The following PDIA6 variants were observed in gnomAD, a reference collection of about 807,000 sequenced individuals.
The protein encoded by PDIA6 is protein disulfide-isomerase A6.
PDIA6 carries 29 observed loss-of-function variants against 58.4 expected under a neutral mutation model. That is an observed-to-expected ratio of 0.50 (90% confidence interval 0.37 to 0.68). The LOEUF is 0.68. Ranked by LOEUF, PDIA6 falls within the 30% of genes least tolerant of loss-of-function variation. The pLI is 0.00. For synonymous variants in PDIA6, 192 were observed against 202.6 expected (o/e 0.95, Z 0.44); for missense variants, 480 against 551.0 (o/e 0.87, Z 1.29).
At chr2:10,812,167 T>C (rs1342812383) in intron 1 of PDIA6, among the ~76,000 whole-genome samples, 3 of 152,228 alleles carry the variant, frequency 2.0e-5, no homozygotes, top group Admixed American at 6.5e-5. Context: ...GCTTCGGCCT[T>C]CCAAAGTGCT....
At chr2:10,818,519 T>C (rs1184040562) in intron 2 of PDIA6, among the ~76,000 whole-genome samples, 1 of 131,110 alleles carries the variant, frequency 7.6e-6, no homozygotes, top group Non-Finnish European at 1.7e-5. Context: ...TATTTATTTA[T>C]TTATTTATTT....
chr2:10,819,528 T>G (rs1005577653), intron 1 of PDIA6, among the ~76,000 whole-genome samples: 10 of 152,356 alleles, frequency 6.6e-5, no homozygotes, highest in Admixed American at 2.0e-4. Context: ...AAGCACAGAC[T>G]GTTATAAACT....
At chr2:10,827,691 G>A (rs116311521) in intron 1 of PDIA6, among the ~76,000 whole-genome samples, 7,604 of 151,862 alleles carry the variant, frequency 0.05, 281 homozygotes, top group East Asian at 0.11. Context: ...GGATATGGAG[G>A]CACACACCTG....
Position 10,809,668 on chromosome 2 carries a change from A to AAAC in PDIA6, c.19+3009_19+3010insGTT, listed in dbSNP as rs1553340353. On this transcript the variant is annotated intron_variant, in intron 1 of 12. Transcript: ENST00000272227. The stretch of plus-strand genomic sequence containing the variant: ...CTCAAAAAAAAAAAAAAAAAAAAAA[A>AAAC]AAAACCCAAAAAATAGGATAATCTT... Among the ~76,000 whole-genome samples the AAAC allele has an allele frequency of 7.4e-4, 97 of 130,262 alleles. 4 individuals carry two copies. Among genetic ancestry groups the AAAC allele is most frequent in the Non-Finnish European group, 9.8e-4 (59 of 60,396 alleles). The allele number at this position is 130,262 out of a possible 152,430, so 85.5% of individuals were successfully genotyped here. A position where few individuals can be genotyped will look rare whatever the true frequency, so the allele number is the denominator to read the frequency against.
upstream of PDIA6, among the ~76,000 whole-genome samples, chr2:10,817,750 G>A (rs1317439334): frequency 6.6e-6 from 1 of 152,218 alleles, no homozygotes; most frequent in African/African-American, 2.4e-5. Context: ...CAGTGACAGG[G>A]AAGGAACCCA....
chr2:10,833,005 AAAGGCC>A (rs1237816540), upstream of PDIA6, among the ~76,000 whole-genome samples: 1 of 151,890 alleles, frequency 6.6e-6, no homozygotes, highest in Non-Finnish European at 1.5e-5. Context: ...ACTCTCCTTA[AAAGGCC>A]AAGTGATGGG....
intron 1 of PDIA6, among the ~76,000 whole-genome samples, chr2:10,809,645 CAAAAAAA>C (rs56308831): frequency 0.044 from 2,838 of 64,640 alleles, 93 homozygotes; most frequent in African/African-American, 0.14. Context: ...GACCCGGTCT[CAAAAAAA>C]AAAAAAAAAA....
chr2:10,793,885 T>C (rs1001361789), intron 4 of PDIA6, among the ~76,000 whole-genome samples: 1 of 152,178 alleles, frequency 6.6e-6, no homozygotes, highest in Non-Finnish European at 1.5e-5. Flanking sequence ...GAGGTGTCTT[T>C]AAAGCCAAGT....
At position 10,822,565 on chromosome 2, in the gene PDIA6, TA is replaced by T. The variant is rs550672430; in HGVS notation, c.-47-3212del. ...GCGTGAGCCACCGTGCCTGGCCTCA[TA>T]AATGATTTTTAATGTAGCACTGCAA... On this transcript the variant is annotated intron_variant, in intron 1 of 13. Transcript: ENST00000381611. Among the ~76,000 whole-genome samples the T allele has an allele frequency of 2.0e-4, 31 of 152,322 alleles. No individual in the cohort carries two copies. The South Asian group carries it at 6.2e-3, about 31-fold the overall frequency.
intron 2 of PDIA6, among the ~76,000 whole-genome samples, chr2:10,800,750 G>A (rs984818106): frequency 2.0e-5 from 3 of 151,818 alleles, no homozygotes; most frequent in East Asian, 1.9e-4. Context: ...ACAAGTACAC[G>A]GCACCACGTC....
intron 1 of PDIA6, chr2:10,821,631 AT>A (rs142601240): frequency 0.018 from 2,753 of 149,168 alleles, 95 homozygotes; most frequent in African/African-American, 0.063. Flanking sequence ...ATAATAAATG[AT>A]TTTTTTTTTT....
intron 10 of PDIA6, 106 bp from the exon 11 acceptor site, chr2:10,787,545 A>G (rs563180185): frequency 9.5e-7 from 1 of 1,050,474 alleles, no homozygotes; most frequent in African/African-American, 1.6e-5. Flanking sequence ...TATTTCGTAG[A>G]ATGACAAATA....
intron 1 of PDIA6, among the ~76,000 whole-genome samples, chr2:10,803,553 TAC>T (rs1666603178): frequency 6.6e-6 from 1 of 152,226 alleles, no homozygotes; most frequent in Non-Finnish European, 1.5e-5. Context: ...AAAGACAGGA[TAC>T]AGTGTCGACT....
intron 4 of PDIA6, among the ~76,000 whole-genome samples, chr2:10,794,086 A>G (rs1377279297): frequency 1.6e-5 from 2 of 124,528 alleles, no homozygotes; most frequent in African/African-American, 5.1e-5. Flanking sequence ...AAGTACTGGA[A>G]TAACATATGC....
At position 10,802,596 on chromosome 2, in the gene PDIA6, A is replaced by T. The variant is rs1666562691; in HGVS notation, c.64T>A (p.Ser22Thr). The change falls in exon 2 of 13, where the codon TCC becomes ACC. Residue 22 changes from serine to threonine, a missense_variant. Coordinates refer to ENST00000272227, the MANE Select transcript of PDIA6 (RefSeq NM_005742.4). ...TFFLAVNGLY[S>T]SSDDVIELTP... ...AATTCGATCACATCATCACTAGAGGAATACAGACCATTCACTGCCAGAAAG... is the reference window on the plus strand; with the variant it reads ...AATTCGATCACATCATCACTAGAGGTATACAGACCATTCACTGCCAGAAAG... 2 of 1,492,312 alleles carry T rather than the reference A, an allele frequency of 1.3e-6. No homozygotes were observed. Among genetic ancestry groups the T allele is most frequent in the Admixed American group, 2.4e-5 (1 of 41,300 alleles). 92.4% of individuals were successfully genotyped at this position (1,492,312 alleles called of 1,614,324 possible). A position where few individuals can be genotyped will look rare whatever the true frequency, so the allele number is the denominator to read the frequency against.
chr2:10,794,227 C>A (rs1666164072), intron 4 of PDIA6, among the ~76,000 whole-genome samples: 1 of 150,908 alleles, frequency 6.6e-6, no homozygotes, highest in African/African-American at 2.4e-5. Flanking sequence ...ACGTGGAACA[C>A]CTGAGGTCAG....
At chr2:10,820,659 G>A in intron 1 of PDIA6, 1 of 613,646 alleles carries the variant, frequency 1.6e-6, no homozygotes, top group Non-Finnish European at 3.0e-6. Flanking sequence ...GGGAAGTTCT[G>A]TCGAGGACTC....
In PDIA6 at chr2:10,818,581, G is replaced by A. The variant is rs148520875; in HGVS notation, c.34+693C>T. Among the ~76,000 whole-genome samples the A allele has an allele frequency of 2.4e-3, 343 of 140,686 alleles. 1 individual carries two copies. Among genetic ancestry groups the A allele is most frequent in the Non-Finnish European group, 3.1e-3 (200 of 65,416 alleles). The allele number at this position is 140,686 out of a possible 152,430, so 92.3% of individuals were successfully genotyped here. A position where few individuals can be genotyped will look rare whatever the true frequency, so the allele number is the denominator to read the frequency against. On this transcript the variant is annotated intron_variant, in intron 2 of 13. Transcript: ENST00000381611. The stretch of plus-strand genomic sequence containing the variant: ...TTGTTGCCCAGGCTGGAGTGCAATT[G>A]CACTATCTCGACTCACTACAACCTC...
upstream of PDIA6, among the ~76,000 whole-genome samples, chr2:10,836,337 G>A (rs1667831907): frequency 6.6e-6 from 1 of 152,076 alleles, no homozygotes; most frequent in African/African-American, 2.4e-5. Flanking sequence ...ATGGGTCTGG[G>A]GCTTTGGGCT....
Sources: allele counts gnomAD v4.1 joint callset (sites outside exome capture counted in the v4.1 genomes callset), GRCh38; gene constraint gnomAD v4.1.1; transcripts MANE v1.5; gene names NCBI Gene and HGNC (gene_info 2026-07-23, HGNC 2026-07-21).